DCHS2: variants seen among roughly 807,000 people sequenced by gnomAD.
The protein encoded by DCHS2 is dachsous cadherin-related 2.
DCHS2 carries 142 observed loss-of-function variants against 182.4 expected under a neutral mutation model. The ratio of observed to expected loss-of-function variants is 0.78; its 90% CI spans 0.68 to 0.89. The LOEUF (loss-of-function observed/expected upper bound fraction) is 0.89, where lower values mean the gene tolerates loss of function less well. Among genes scored for constraint, DCHS2 ranks in the 40% least tolerant of loss-of-function variants. DCHS2 has a pLI of 0.00. For synonymous variants in DCHS2, 1,740 were observed against 1,663.3 expected (o/e 1.05, Z -1.12); for missense variants, 4,319 against 4,198.6 (o/e 1.03, Z -0.79).
In DCHS2 at chr4:154,344,599, G is replaced by A. The variant is rs938516728; in HGVS notation, c.2477-9495C>T. On this transcript the variant is annotated intron_variant, in intron 3 of 19. Transcript: ENST00000357232. ...ATGGGAAAGCCAGAAGAATAAGAAG[G>A]GGGTGATGAACAGTAACTCCAAGAA... Among the ~76,000 whole-genome samples, 5 of 152,286 alleles carry A rather than the reference G, an allele frequency of 3.3e-5. No individual in the cohort carries two copies. The South Asian group carries it at 6.2e-4, about 19-fold the overall frequency.
intron 2 of DCHS2, among the ~76,000 whole-genome samples, chr4:154,374,647 T>A (rs1273432994): frequency 6.6e-6 from 1 of 152,186 alleles, no homozygotes; most frequent in African/African-American, 2.4e-5. Flanking sequence ...TGTTCATTTT[T>A]ACATGTTTAC....
At chr4:154,398,080 G>T (rs1348613749) in intron 1 of DCHS2, among the ~76,000 whole-genome samples, 1 of 152,086 alleles carries the variant, frequency 6.6e-6, no homozygotes. Context: ...TTTCTGTTTT[G>T]GCTTTAAGGA....
chr4:154,315,694 A>C, intron 10 of DCHS2, 54 bp downstream of exon 10: 1 of 1,579,062 alleles, frequency 6.3e-7, no homozygotes, highest in Non-Finnish European at 8.6e-7. Flanking sequence ...CGTCAATTAT[A>C]ATCTTCAATT....
At chr4:154,488,099 C>T (rs768904780) in intron 1 of DCHS2, among the ~76,000 whole-genome samples, 1 of 152,102 alleles carries the variant, frequency 6.6e-6, no homozygotes, top group Non-Finnish European at 1.5e-5. Flanking sequence ...AATCACTTTA[C>T]CCTGGGAGGT....
At chr4:154,263,687 A>G (rs945646754) in intron 14 of DCHS2, among the ~76,000 whole-genome samples, 6 of 133,514 alleles carry the variant, frequency 4.5e-5, no homozygotes, top group Admixed American at 1.5e-4. Flanking sequence ...GCCATTATTG[A>G]AAAAAAAAAA....
intron 1 of DCHS2, among the ~76,000 whole-genome samples, chr4:154,381,485 A>C (rs971996721): frequency 2.0e-5 from 3 of 152,112 alleles, no homozygotes; most frequent in Admixed American, 1.3e-4. Flanking sequence ...ATAGGAAAAG[A>C]AGCCAAACTA....
intron 1 of DCHS2, among the ~76,000 whole-genome samples, chr4:154,486,961 G>A (rs1179576129): frequency 6.6e-6 from 1 of 152,168 alleles, no homozygotes; most frequent in African/African-American, 2.4e-5. Flanking sequence ...TGTAAGCCAA[G>A]CTGAGCTCAC....
intron 1 of DCHS2, among the ~76,000 whole-genome samples, chr4:154,428,716 C>T (rs1223088784): frequency 6.6e-6 from 1 of 151,960 alleles, no homozygotes; most frequent in East Asian, 1.9e-4. Flanking sequence ...GCCTGACCAA[C>T]ATGGTGAAAC....
chr4:154,455,613 G>T (rs143464076), intron 1 of DCHS2, among the ~76,000 whole-genome samples: 39 of 152,320 alleles, frequency 2.6e-4, no homozygotes, highest in Non-Finnish European at 4.6e-4. Flanking sequence ...ACTTACACTT[G>T]CCATGTGGCA....
At chr4:154,352,214 C>T (rs565454699) in intron 3 of DCHS2, among the ~76,000 whole-genome samples, 3 of 152,208 alleles carry the variant, frequency 2.0e-5, no homozygotes, top group East Asian at 1.9e-4. Flanking sequence ...TCTGGTTCCC[C>T]GCTAGTGCCA....
chr4:154,363,599 T>A (rs1024216737), intron 3 of DCHS2, among the ~76,000 whole-genome samples: 1 of 152,158 alleles, frequency 6.6e-6, no homozygotes, highest in Admixed American at 6.5e-5. Flanking sequence ...AAGGTTCAGT[T>A]AGACAGGATG....
chr4:154,255,048 A>T (rs1732584864), intron 16 of DCHS2, among the ~76,000 whole-genome samples: 1 of 152,226 alleles, frequency 6.6e-6, no homozygotes, highest in Non-Finnish European at 1.5e-5. Context: ...GTTTAATAAG[A>T]TCATTTCTAT....
intron 1 of DCHS2, among the ~76,000 whole-genome samples, chr4:154,413,963 C>G (rs938006400): frequency 6.6e-6 from 1 of 152,048 alleles, no homozygotes; most frequent in Non-Finnish European, 1.5e-5. Context: ...CTTTATTTTC[C>G]TTCTTGTACT....
At chr4:154,378,499 G>GGGAAGGAAGGAAGGGAGGAAGGAAGGAA (rs1731017937) in intron 1 of DCHS2, among the ~76,000 whole-genome samples, 1 of 56,312 alleles carries the variant, frequency 1.8e-5, no homozygotes, top group Non-Finnish European at 3.5e-5. Context: ...GAGGGAGGGT[G>GGGAAGGAAGGAAGGGAGGAAGGAAGGAA]GGAAGGAAGG....
chr4:154,463,722 C>G (rs905533421), intron 1 of DCHS2, among the ~76,000 whole-genome samples: 79 of 143,572 alleles, frequency 5.5e-4, no homozygotes, highest in Admixed American at 5.1e-3. Flanking sequence ...CTCTCTCTCT[C>G]TCTCTGTCTC....
At position 154,233,901 on chromosome 4, in the gene DCHS2, GTC is replaced by G. The variant is rs1160593587; in HGVS notation, c.*633_*634del. On this transcript the variant is annotated 3_prime_UTR_variant, in exon 20 of 20. Coordinates refer to ENST00000357232, the MANE Select transcript of DCHS2 (RefSeq NM_001358235.2). ...TAAATCCTATTTGTTTCTCCCTATT[GTC>G]ACAGAGTTATGACAAATTTCCTTCT... The G allele has an allele frequency of 1.3e-5, 2 of 151,900 alleles. No individual in the cohort carries two copies. Among genetic ancestry groups the G allele is most frequent in the African/African-American group, 4.8e-5 (2 of 41,354 alleles). The allele number at this position is 151,900 out of a possible 1,614,324, so 9.4% of individuals were successfully genotyped here.
intron 9 of DCHS2, among the ~76,000 whole-genome samples, chr4:154,318,272 G>T (rs1305949328): frequency 3.3e-5 from 5 of 151,074 alleles, no homozygotes; most frequent in Admixed American, 2.0e-4. Context: ...TTAAACAACA[G>T]AAGAAGTCAA....
intron 16 of DCHS2, among the ~76,000 whole-genome samples, chr4:154,252,666 C>T (rs11335758): frequency 0.19 from 5,551 of 29,484 alleles, 255 homozygotes; most frequent in South Asian, 0.31. Context: ...TTCTTTTTTT[C>T]TTTTAATGGC....
At chr4:154,408,389 C>T (rs930510319) in intron 1 of DCHS2, among the ~76,000 whole-genome samples, 1 of 152,138 alleles carries the variant, frequency 6.6e-6, no homozygotes, top group Non-Finnish European at 1.5e-5. Flanking sequence ...TTGAGGAAAA[C>T]TTTCATAGGA....
Sources: allele counts gnomAD v4.1 joint callset (sites outside exome capture counted in the v4.1 genomes callset), GRCh38; gene constraint gnomAD v4.1.1; transcripts MANE v1.5; gene names NCBI Gene and HGNC (gene_info 2026-07-23, HGNC 2026-07-21).